Variants in PTPRE observed in about 807,000 individuals in gnomAD.
PTPRE encodes protein tyrosine phosphatase receptor type E, also known as receptor-type tyrosine-protein phosphatase epsilon.
In PTPRE, 51 loss-of-function variants were observed where a neutral mutation model predicts 102.0. That is an observed-to-expected ratio of 0.50 (90% CI 0.40 to 0.63). The LOEUF is 0.63. PTPRE is among the 30% of genes least tolerant of loss of function. The pLI is 0.00. For synonymous variants in PTPRE, 345 were observed against 348.2 expected (o/e 0.99, Z 0.10); for missense variants, 752 against 915.1 (o/e 0.82, Z 2.30).
At chr10:128,000,875 C>A (rs1853809565) in intron 2 of PTPRE, among the ~76,000 whole-genome samples, 1 of 151,914 alleles carries the variant, frequency 6.6e-6, no homozygotes, top group South Asian at 2.1e-4. Context: ...CAGCAGTGTT[C>A]AGACACCTCA....
chr10:128,022,257 C>T (rs1046423050), intron 2 of PTPRE, among the ~76,000 whole-genome samples: 3 of 152,184 alleles, frequency 2.0e-5, no homozygotes, highest in Non-Finnish European at 4.4e-5. Context: ...CCTGGCACCC[C>T]GCTCCCTGAG....
Position 127,929,401 on chromosome 10 carries a change from T to C in PTPRE, c.-31+22092T>C, listed in dbSNP as rs531339762. 4 of 152,332 alleles carry C rather than the reference T, an allele frequency of 2.6e-5. No individual in the cohort carries two copies. The South Asian group carries it at 8.3e-4, about 32-fold the overall frequency. The allele number at this position is 152,332 out of a possible 1,614,324, so 9.4% of individuals were successfully genotyped here. On this transcript the variant is annotated intron_variant, in intron 1 of 20. Transcript: ENST00000254667. ...TTGCATGGCAAGTAGGTAAAACTGA[T>C]TTATTTTTAAGAGATCAGCAAAGAT...
intron 1 of PTPRE, among the ~76,000 whole-genome samples, chr10:127,982,067 T>C (rs776274303): frequency 1.3e-5 from 2 of 152,072 alleles, no homozygotes; most frequent in Non-Finnish European, 2.9e-5. Flanking sequence ...TTAGAGGTTG[T>C]ATTAAAGTGT....
chr10:127,912,598 T>G (rs1845938282), intron 1 of PTPRE, among the ~76,000 whole-genome samples: 1 of 152,206 alleles, frequency 6.6e-6, no homozygotes, highest in Non-Finnish European at 1.5e-5. Context: ...TGTTAGTGTT[T>G]GTTGGGTGGA....
chr10:128,001,544 C>T (rs1007758098), intron 2 of PTPRE, among the ~76,000 whole-genome samples: 1 of 152,152 alleles, frequency 6.6e-6, no homozygotes, highest in Non-Finnish European at 1.5e-5. Context: ...GTTCAGTGGC[C>T]TGCCCTCGTC....
chr10:128,058,884 G>A (rs1382403965), intron 7 of PTPRE, among the ~76,000 whole-genome samples: 1 of 152,218 alleles, frequency 6.6e-6, no homozygotes. Flanking sequence ...CCTTGGCTCT[G>A]GGCAGGCATG....
intron 19 of PTPRE, among the ~76,000 whole-genome samples, chr10:128,078,659 G>T (rs893754665): frequency 2.2e-4 from 34 of 152,320 alleles, no homozygotes; most frequent in Admixed American, 1.4e-3. Flanking sequence ...CCACCGGGGT[G>T]CACTCCTGGC....
At chr10:128,055,271 C>T (rs1045509653) in intron 6 of PTPRE, among the ~76,000 whole-genome samples, 2 of 152,300 alleles carry the variant, frequency 1.3e-5, no homozygotes, top group Non-Finnish European at 1.5e-5. Context: ...AGCGAGCAGA[C>T]GCAGGAGACA....
intron 1 of PTPRE, among the ~76,000 whole-genome samples, chr10:127,971,561 GC>G (rs1850739092): frequency 6.6e-6 from 1 of 152,214 alleles, no homozygotes; most frequent in South Asian, 2.1e-4. Flanking sequence ...AGGTACTAGC[GC>G]ATTCCACTTC....
intron 6 of PTPRE, among the ~76,000 whole-genome samples, chr10:128,050,467 A>AGATG (rs140763588): frequency 2.9e-4 from 43 of 149,978 alleles, no homozygotes; most frequent in East Asian, 3.9e-4. Context: ...GTGGGAGGGC[A>AGATG]GATGGATGGA....
intron 3 of PTPRE, among the ~76,000 whole-genome samples, chr10:128,045,512 T>C (rs1040472065): frequency 5.9e-5 from 9 of 152,096 alleles, no homozygotes; most frequent in Non-Finnish European, 1.3e-4. Flanking sequence ...TGTACCTGGG[T>C]ACATTCGAGA....
intron 1 of PTPRE, among the ~76,000 whole-genome samples, chr10:127,909,482 C>T (rs1453779663): frequency 6.6e-6 from 1 of 152,150 alleles, no homozygotes; most frequent in Non-Finnish European, 1.5e-5. Flanking sequence ...CTAGGCCCGG[C>T]CACTCCTCTG....
intron 1 of PTPRE, among the ~76,000 whole-genome samples, chr10:127,968,155 G>T (rs1180087095): frequency 6.6e-6 from 1 of 152,146 alleles, no homozygotes; most frequent in East Asian, 1.9e-4. Flanking sequence ...CTGCTGCCAT[G>T]CAAATGTCAT....
chr10:127,982,423 T>C (rs1851708221), intron 2 of PTPRE, 127 bp downstream of exon 2: 2 of 640,304 alleles, frequency 3.1e-6, no homozygotes, highest in Non-Finnish European at 4.5e-6. Context: ...CAGTGTGTTA[T>C]ATTTGAATTT....
At chr10:128,007,558 G>A (rs1008353476) in intron 2 of PTPRE, among the ~76,000 whole-genome samples, 6 of 152,302 alleles carry the variant, frequency 3.9e-5, no homozygotes, top group South Asian at 2.1e-4. Context: ...TACTTGTCCC[G>A]ATAAAATCTT....
intron 2 of PTPRE, among the ~76,000 whole-genome samples, chr10:128,009,641 G>A (rs561473818): frequency 1.6e-4 from 24 of 152,312 alleles, no homozygotes; most frequent in Non-Finnish European, 7.3e-5. Flanking sequence ...AGCTCGGGTC[G>A]TCCTGAACTT....
intron 20 of PTPRE, among the ~76,000 whole-genome samples, chr10:128,081,655 A>C (rs1003613660): frequency 6.6e-6 from 1 of 152,214 alleles, no homozygotes; most frequent in African/African-American, 2.4e-5. Flanking sequence ...TTTATTGAGA[A>C]TTCCTTCTAA....
intron 2 of PTPRE, chr10:127,987,530 C>G (rs1852196447): frequency 1.4e-5 from 5 of 350,550 alleles, no homozygotes; most frequent in South Asian, 8.3e-5. Flanking sequence ...GAAAATTTGG[C>G]AAGCCTCTTA....
At chr10:127,984,153 C>T (rs1200486157) in intron 2 of PTPRE, among the ~76,000 whole-genome samples, 2 of 149,752 alleles carry the variant, frequency 1.3e-5, no homozygotes, top group Non-Finnish European at 3.0e-5. Flanking sequence ...GTGATCTCGG[C>T]TCACTGCAAC....
Sources: allele counts gnomAD v4.1 joint callset (sites outside exome capture counted in the v4.1 genomes callset), GRCh38; gene constraint gnomAD v4.1.1; transcripts MANE v1.5; gene names NCBI Gene and HGNC (gene_info 2026-07-23, HGNC 2026-07-21).